The following CNOT4 variants were observed in gnomAD, a reference collection of about 807,000 sequenced individuals.
CNOT4 encodes CCR4-associated factor 4.
Under a neutral mutation model 73.8 loss-of-function variants are expected in CNOT4, and 8 were observed. That is an observed-to-expected ratio of 0.11 (90% confidence interval 0.06 to 0.20). The LOEUF (loss-of-function observed/expected upper bound fraction) is 0.20, where lower values mean the gene tolerates loss of function less well. Ranked by LOEUF, CNOT4 falls within the 10% of genes least tolerant of loss-of-function variation. The probability of loss-of-function intolerance (pLI) is 1.00; values close to 1 mark genes in which losing one functional copy is unlikely to be tolerated. For missense variants in CNOT4, 564 were observed against 883.4 expected, an observed-to-expected ratio of 0.64 and a Z score of 4.58; for synonymous variants, 293 against 321.1, an observed-to-expected ratio of 0.91 and a Z score of 0.94.
At chr7:135,454,147 T>C (rs1456295275) in intron 1 of CNOT4, among the ~76,000 whole-genome samples, 1 of 151,822 alleles carries the variant, frequency 6.6e-6, no homozygotes, top group Non-Finnish European at 1.5e-5. Context: ...TTAACATTTG[T>C]TCCTCTCTAA....
intron 7 of CNOT4, among the ~76,000 whole-genome samples, chr7:135,406,308 TC>T (rs1160672763): frequency 2.2e-5 from 1 of 45,746 alleles, no homozygotes; most frequent in African/African-American, 9.1e-5. Flanking sequence ...CCCCCCACCC[TC>T]CCCCCCAAAA....
chr7:135,425,841 C>T (rs1798461736), intron 2 of CNOT4, among the ~76,000 whole-genome samples: 1 of 152,162 alleles, frequency 6.6e-6, no homozygotes, highest in African/African-American at 2.4e-5. Context: ...ACAATTCCTT[C>T]ACTACACACA....
At chr7:135,452,113 C>T (rs1800208329) in intron 1 of CNOT4, among the ~76,000 whole-genome samples, 1 of 151,618 alleles carries the variant, frequency 6.6e-6, no homozygotes, top group Non-Finnish European at 1.5e-5. Flanking sequence ...GAGGAGCACA[C>T]CTGTAGTGCC....
At chr7:135,387,801 A>G in intron 10 of CNOT4, 1 of 979,884 alleles carries the variant, frequency 1.0e-6, no homozygotes, top group Non-Finnish European at 1.2e-6. Flanking sequence ...AAAGTACTCC[A>G]CTATTCTCTT....
chr7:135,475,819 G>A (rs922553198), intron 1 of CNOT4, among the ~76,000 whole-genome samples: 1 of 152,156 alleles, frequency 6.6e-6, no homozygotes, highest in African/African-American at 2.4e-5. Context: ...TCTGAAGTGG[G>A]AGGACAGCTT....
intron 6 of CNOT4, among the ~76,000 whole-genome samples, chr7:135,411,989 C>T (rs558369247): frequency 2.0e-5 from 3 of 151,736 alleles, no homozygotes; most frequent in African/African-American, 4.8e-5. Context: ...ACAACAACAA[C>T]AAAAAATCCC....
chr7:135,370,657 T>C (rs1293499627), intron 10 of CNOT4, among the ~76,000 whole-genome samples: 3 of 152,232 alleles, frequency 2.0e-5, no homozygotes, highest in Admixed American at 1.3e-4. Context: ...AAATGTTACA[T>C]GCATCAAGAT....
At chr7:135,389,730 G>A (rs191949466) in intron 10 of CNOT4, among the ~76,000 whole-genome samples, 1 of 151,954 alleles carries the variant, frequency 6.6e-6, no homozygotes. Flanking sequence ...ATTTTTTGAG[G>A]TATATCTTGA....
intron 7 of CNOT4, among the ~76,000 whole-genome samples, chr7:135,398,539 T>C (rs1031700535): frequency 1.8e-4 from 28 of 152,010 alleles, no homozygotes; most frequent in South Asian, 4.1e-4. Flanking sequence ...GTTCGCCCAA[T>C]AAGTATAATG....
intron 1 of CNOT4, among the ~76,000 whole-genome samples, chr7:135,470,884 T>C (rs1192715080): frequency 6.6e-6 from 1 of 152,196 alleles, no homozygotes; most frequent in Non-Finnish European, 1.5e-5. Flanking sequence ...ATGTTCTATA[T>C]CTTGATAAAG....
At chr7:135,485,307 T>A (rs1194386286) in intron 1 of CNOT4, among the ~76,000 whole-genome samples, 1 of 152,150 alleles carries the variant, frequency 6.6e-6, no homozygotes, top group Non-Finnish European at 1.5e-5. Flanking sequence ...CTTGACCTCA[T>A]GATCCACCTG....
At chr7:135,412,535 C>A (rs919363659) in intron 6 of CNOT4, among the ~76,000 whole-genome samples, 1 of 151,770 alleles carries the variant, frequency 6.6e-6, no homozygotes, top group Admixed American at 6.6e-5. Flanking sequence ...ATCAGATAGA[C>A]CTTATTTTAA....
Position 135,457,854 on chromosome 7 carries a change from T to C in CNOT4, c.-92-19431A>G, listed in dbSNP as rs534925834. On this transcript the variant is annotated intron_variant, in intron 1 of 11. Coordinates refer to ENST00000541284, the MANE Select transcript of CNOT4 (RefSeq NM_001190850.2). Reference sequence around the variant, plus strand: ...CATATGTATGTGCATGTGTGTGTTTTGTAAAGGATCTTACTGCATACAGTT... The same window carrying C: ...CATATGTATGTGCATGTGTGTGTTTCGTAAAGGATCTTACTGCATACAGTT... Among the ~76,000 whole-genome samples the C allele has an allele frequency of 2.6e-5, 4 of 152,256 alleles. No individual in the cohort carries two copies. In the South Asian group the frequency reaches 8.3e-4, roughly 32 times the overall value.
chr7:135,439,227 C>G (rs1799333377), intron 1 of CNOT4, among the ~76,000 whole-genome samples: 1 of 152,026 alleles, frequency 6.6e-6, no homozygotes, highest in African/African-American at 2.4e-5. Flanking sequence ...AATCTGATAG[C>G]CTGCAAACTA....
intron 9 of CNOT4, among the ~76,000 whole-genome samples, 200 bp from the exon 10 acceptor site, chr7:135,394,615 C>T (rs541562049): frequency 6.6e-6 from 1 of 152,204 alleles, no homozygotes; most frequent in African/African-American, 2.4e-5. Flanking sequence ...TCTTAAGCTA[C>T]TAGCTTCAAA....
At chr7:135,478,081 A>G (rs999491465) in intron 1 of CNOT4, among the ~76,000 whole-genome samples, 5 of 152,172 alleles carry the variant, frequency 3.3e-5, no homozygotes, top group African/African-American at 1.2e-4. Flanking sequence ...TACTATACTA[A>G]TTAACATATT....
chr7:135,469,970 C>A (rs1226483292), intron 1 of CNOT4, among the ~76,000 whole-genome samples: 1 of 152,080 alleles, frequency 6.6e-6, no homozygotes, highest in African/African-American at 2.4e-5. Flanking sequence ...TAGAGGCATG[C>A]ACCACTATGC....
chr7:135,447,312 TC>T (rs1563056140), intron 1 of CNOT4, among the ~76,000 whole-genome samples: 2 of 152,176 alleles, frequency 1.3e-5, no homozygotes, highest in African/African-American at 4.8e-5. Flanking sequence ...ATACTTAATT[TC>T]CCCTTTTAAA....
chr7:135,481,747 T>G (rs533653716), intron 1 of CNOT4, among the ~76,000 whole-genome samples: 1 of 152,152 alleles, frequency 6.6e-6, no homozygotes, highest in Non-Finnish European at 1.5e-5. Context: ...CACAATGGAT[T>G]TGGCATTCAA....
Sources: allele counts gnomAD v4.1 joint callset (sites outside exome capture counted in the v4.1 genomes callset), GRCh38; gene constraint gnomAD v4.1.1; transcripts MANE v1.5; gene names NCBI Gene and HGNC (gene_info 2026-07-23, HGNC 2026-07-21).